GPHN: variants seen among roughly 807,000 people sequenced by gnomAD.
GPHN encodes the protein gephyrin.
A neutral mutation model predicts 95.5 loss-of-function variants in GPHN; 17 were observed. The ratio of observed to expected loss-of-function variants is 0.18; its 90% CI spans 0.12 to 0.27. The LOEUF is 0.27. Ranked by LOEUF, GPHN falls within the 10% of genes least tolerant of loss-of-function variation. GPHN has a pLI of 1.00. For synonymous variants in GPHN, 320 were observed against 322.5 expected (o/e 0.99, Z 0.08); for missense variants, 660 against 978.1 (o/e 0.67, Z 4.34).
intron 1 of GPHN, among the ~76,000 whole-genome samples, chr14:66,579,235 C>T (rs1228675432): frequency 1.3e-5 from 2 of 151,542 alleles, no homozygotes; most frequent in Non-Finnish European, 3.0e-5. Flanking sequence ...TCAAAGCATA[C>T]CACAACAGAG....
At chr14:66,991,269 C>G (rs953354607) in intron 9 of GPHN, among the ~76,000 whole-genome samples, 2 of 151,988 alleles carry the variant, frequency 1.3e-5, no homozygotes, top group African/African-American at 4.8e-5. Flanking sequence ...TGTACCTAAG[C>G]AGAATTTTAC....
chr14:66,928,792 C>T (rs1179080834), intron 8 of GPHN, among the ~76,000 whole-genome samples: 1 of 152,022 alleles, frequency 6.6e-6, no homozygotes, highest in East Asian at 1.9e-4. Flanking sequence ...CTTTCAGGAG[C>T]ATATTGTTTA....
the GPHN span, among the ~76,000 whole-genome samples, chr14:67,492,624 G>T: frequency 1.3e-5 from 2 of 152,204 alleles, no homozygotes; most frequent in Non-Finnish European, 2.9e-5. Flanking sequence ...AAGAAGCCCA[G>T]CAGGGCTTTC....
At chr14:67,384,304 A>G in the GPHN span, 1 of 151,166 alleles carries the variant, frequency 6.6e-6, no homozygotes, top group East Asian at 1.9e-4. Context: ...AATATCCACT[A>G]GATGCCACCT....
chr14:67,569,472 C>T, the GPHN span, among the ~76,000 whole-genome samples: 1 of 152,224 alleles, frequency 6.6e-6, no homozygotes, highest in Non-Finnish European at 1.5e-5. Context: ...GGCCTCCAGC[C>T]CAGCCTCCCA....
the GPHN span, among the ~76,000 whole-genome samples, chr14:67,257,714 T>G: frequency 6.6e-6 from 1 of 152,110 alleles, no homozygotes; most frequent in East Asian, 1.9e-4. Context: ...ACTAGAAATA[T>G]GAAGGTAAGT....
At chr14:67,710,730 T>C in the GPHN span, among the ~76,000 whole-genome samples, 1 of 152,032 alleles carries the variant, frequency 6.6e-6, no homozygotes, top group African/African-American at 2.4e-5. Flanking sequence ...GACACACTTT[T>C]TTTTTTAGAA....
chr14:67,332,069 G>A, the GPHN span, among the ~76,000 whole-genome samples: 1 of 152,214 alleles, frequency 6.6e-6, no homozygotes, highest in East Asian at 1.9e-4. Flanking sequence ...TAGTATTGAT[G>A]TGTGACTTTT....
Position 66,770,933 on chromosome 14 carries a change from C to T in GPHN, c.144-5531C>T, listed in dbSNP as rs2059144499. Among the ~76,000 whole-genome samples, 5 of 152,156 alleles carry T rather than the reference C, an allele frequency of 3.3e-5. No individual in the cohort carries two copies. The South Asian group carries it at 1.0e-3, about 32-fold the overall frequency. ...AGAGAGTTTAGTACATTTTCAGTTT[C>T]AGGCATCCAGTATAGATCTTGGAAC... On this transcript the variant is annotated intron_variant, in intron 2 of 22. Transcript: ENST00000478722.
intron 1 of GPHN, among the ~76,000 whole-genome samples, chr14:66,639,480 A>G (rs1428573957): frequency 2.0e-5 from 3 of 152,164 alleles, no homozygotes; most frequent in Non-Finnish European, 2.9e-5. Flanking sequence ...CATTGAATAC[A>G]TATACATTCA....
the GPHN span, among the ~76,000 whole-genome samples, chr14:67,328,647 C>T: frequency 9.9e-5 from 15 of 152,174 alleles, no homozygotes; most frequent in Admixed American, 9.2e-4. Context: ...CTTGAATTAA[C>T]TTTTGTATAA....
chr14:66,949,554 A>C (rs2153577925), intron 8 of GPHN, among the ~76,000 whole-genome samples: 1 of 152,322 alleles, frequency 6.6e-6, no homozygotes, highest in East Asian at 1.9e-4. Flanking sequence ...TGGTCAAGGG[A>C]TCCAAAAACC....
intron 8 of GPHN, among the ~76,000 whole-genome samples, chr14:66,956,114 T>G (rs1870522446): frequency 6.6e-6 from 1 of 152,202 alleles, no homozygotes; most frequent in African/African-American, 2.4e-5. Context: ...TATTATTTTC[T>G]TTTGTTTGCT....
At chr14:66,633,854 G>A (rs145145762) in intron 1 of GPHN, among the ~76,000 whole-genome samples, 2 of 151,822 alleles carry the variant, frequency 1.3e-5, no homozygotes, top group South Asian at 2.1e-4. Flanking sequence ...AGATTTAAAT[G>A]TATGACTTGA....
chr14:67,248,830 A>AT, the GPHN span, among the ~76,000 whole-genome samples: 3 of 150,924 alleles, frequency 2.0e-5, no homozygotes, highest in East Asian at 5.8e-4. Flanking sequence ...TTTTTATTTT[A>AT]TTTTTTTGAG....
At chr14:67,422,077 G>T in the GPHN span, among the ~76,000 whole-genome samples, 1 of 152,114 alleles carries the variant, frequency 6.6e-6, no homozygotes, top group Non-Finnish European at 1.5e-5. Context: ...AATAGCAAGG[G>T]CTCAGCTGAG....
the GPHN span, among the ~76,000 whole-genome samples, chr14:67,482,739 A>G: frequency 6.6e-6 from 1 of 152,224 alleles, no homozygotes; most frequent in African/African-American, 2.4e-5. Flanking sequence ...GCCCAGGGCC[A>G]GAAGGGAAGC....
intron 4 of GPHN, among the ~76,000 whole-genome samples, chr14:66,828,742 T>C (rs1334630183): frequency 6.6e-6 from 1 of 152,152 alleles, no homozygotes; most frequent in Non-Finnish European, 1.5e-5. Context: ...GTATGAGCTC[T>C]AGATAAAATG....
intron 9 of GPHN, among the ~76,000 whole-genome samples, chr14:67,004,886 A>G (rs1333555045): frequency 6.6e-6 from 1 of 151,754 alleles, no homozygotes; most frequent in Non-Finnish European, 1.5e-5. Context: ...AAGGCAAGGC[A>G]TGACATTACT....
Sources: allele counts gnomAD v4.1 joint callset (sites outside exome capture counted in the v4.1 genomes callset), GRCh38; gene constraint gnomAD v4.1.1; transcripts MANE v1.5; gene names NCBI Gene and HGNC (gene_info 2026-07-23, HGNC 2026-07-21).